PPARGC1A: variants seen among roughly 807,000 people sequenced by gnomAD.
The protein encoded by PPARGC1A is PPARG coactivator 1 alpha.
In PPARGC1A, 25 loss-of-function variants were observed where a neutral mutation model predicts 88.7. That is an observed-to-expected ratio of 0.28 (90% CI 0.21 to 0.39). The LOEUF (loss-of-function observed/expected upper bound fraction) is 0.39, where lower values mean the gene tolerates loss of function less well. Ranked by LOEUF, PPARGC1A falls within the 10% of genes least tolerant of loss-of-function variation. PPARGC1A has a pLI of 1.00. For synonymous variants in PPARGC1A, 363 were observed against 355.6 expected (o/e 1.02, Z -0.24); for missense variants, 880 against 968.7 (o/e 0.91, Z 1.22).
chr4:23,989,008 C>T, the PPARGC1A span, among the ~76,000 whole-genome samples: 16 of 148,150 alleles, frequency 1.1e-4, no homozygotes, highest in African/African-American at 3.5e-4. Context: ...TATATATATA[C>T]ATATAATAGT....
the PPARGC1A span, among the ~76,000 whole-genome samples, chr4:23,936,447 C>T: frequency 6.6e-6 from 1 of 152,066 alleles, no homozygotes; most frequent in Non-Finnish European, 1.5e-5. Context: ...AGTCAAGAAG[C>T]CTAATCAGAA....
At chr4:24,089,541 T>C in the PPARGC1A span, among the ~76,000 whole-genome samples, 3 of 146,654 alleles carry the variant, frequency 2.0e-5, no homozygotes, top group Non-Finnish European at 4.5e-5. Context: ...GACGGAGTCT[T>C]GCTCTATCAC....
At chr4:24,248,559 G>A in the PPARGC1A span, among the ~76,000 whole-genome samples, 6 of 152,046 alleles carry the variant, frequency 3.9e-5, no homozygotes, top group African/African-American at 9.7e-5. Context: ...TACAGAGAAC[G>A]AAAGTGTCAT....
the PPARGC1A span, among the ~76,000 whole-genome samples, chr4:24,027,168 G>T: frequency 1.2e-3 from 183 of 148,910 alleles, 2 homozygotes; most frequent in African/African-American, 4.4e-3. Context: ...CAAGATGCAG[G>T]AGGATCATGC....
At chr4:24,326,208 C>T in the PPARGC1A span, among the ~76,000 whole-genome samples, 1 of 151,778 alleles carries the variant, frequency 6.6e-6, no homozygotes, top group Non-Finnish European at 1.5e-5. Flanking sequence ...TATCCCATCC[C>T]ACAGCATGCT....
chr4:24,205,330 T>G, the PPARGC1A span, among the ~76,000 whole-genome samples: 35 of 152,074 alleles, frequency 2.3e-4, no homozygotes, highest in Admixed American at 2.3e-3. Flanking sequence ...TAATAAGAGC[T>G]CAATATATAC....
chr4:24,156,730 C>T, the PPARGC1A span, among the ~76,000 whole-genome samples: 1 of 147,454 alleles, frequency 6.8e-6, no homozygotes, highest in Non-Finnish European at 1.5e-5. Context: ...GGTCTTTTCT[C>T]TCTCTCTTTT....
At chr4:23,985,007 G>A in the PPARGC1A span, among the ~76,000 whole-genome samples, 40 of 152,178 alleles carry the variant, frequency 2.6e-4, no homozygotes, top group Middle Eastern at 3.4e-3. Context: ...ACATTTCAGA[G>A]TGGCCAGAAG....
chr4:24,206,875 A>T, the PPARGC1A span, among the ~76,000 whole-genome samples: 1 of 112,742 alleles, frequency 8.9e-6, no homozygotes, highest in Non-Finnish European at 1.9e-5. Context: ...AAAAAAAAAA[A>T]GCTAACATTG....
At chr4:23,862,019 C>G (rs1401073115) in intron 2 of PPARGC1A, among the ~76,000 whole-genome samples, 2 of 152,200 alleles carry the variant, frequency 1.3e-5, no homozygotes, top group East Asian at 3.8e-4. Flanking sequence ...GTCAATCAGT[C>G]AACGAGTATC....
At chr4:24,018,999 C>G in the PPARGC1A span, among the ~76,000 whole-genome samples, 19 of 152,202 alleles carry the variant, frequency 1.2e-4, no homozygotes, top group African/African-American at 3.6e-4. Flanking sequence ...TTATGCTCAG[C>G]ATATTTGAAC....
chr4:23,939,069 T>C, the PPARGC1A span, among the ~76,000 whole-genome samples: 1 of 152,180 alleles, frequency 6.6e-6, no homozygotes, highest in Non-Finnish European at 1.5e-5. Flanking sequence ...CTTTTTAGCA[T>C]TCTGTTTTTC....
At chr4:24,030,375 G>A in the PPARGC1A span, among the ~76,000 whole-genome samples, 34 of 152,254 alleles carry the variant, frequency 2.2e-4, no homozygotes, top group African/African-American at 7.0e-4. Context: ...CATTTATAAT[G>A]GCTGATGTCA....
At chr4:24,206,341 T>G in the PPARGC1A span, among the ~76,000 whole-genome samples, 1 of 152,186 alleles carries the variant, frequency 6.6e-6, no homozygotes, top group Non-Finnish European at 1.5e-5. Flanking sequence ...ACAAGCTAAA[T>G]TTCTAATAAT....
At chr4:23,950,507 AG>A in the PPARGC1A span, among the ~76,000 whole-genome samples, 2 of 152,172 alleles carry the variant, frequency 1.3e-5, no homozygotes, top group African/African-American at 4.8e-5. Flanking sequence ...CAGTGCTGAA[AG>A]GTATCTTGTA....
the PPARGC1A span, among the ~76,000 whole-genome samples, chr4:24,238,858 C>T: frequency 6.6e-6 from 1 of 151,018 alleles, no homozygotes; most frequent in Admixed American, 6.6e-5. Context: ...TAGGTGTGTA[C>T]CCACATGAAC....
the PPARGC1A span, among the ~76,000 whole-genome samples, chr4:24,312,743 C>A: frequency 6.6e-6 from 1 of 151,696 alleles, no homozygotes; most frequent in East Asian, 1.9e-4. Context: ...TTAGCTAAAG[C>A]AAATTTACTT....
chr4:23,895,959 T>C (rs1231668711), intron 1 of PPARGC1A, among the ~76,000 whole-genome samples: 4 of 51,970 alleles, frequency 7.7e-5, no homozygotes, highest in African/African-American at 7.5e-4. Flanking sequence ...TGTGTGTGTG[T>C]GTGTGTGTGT....
chr4:24,288,037 A>G, the PPARGC1A span, among the ~76,000 whole-genome samples: 1 of 151,904 alleles, frequency 6.6e-6, no homozygotes, highest in Non-Finnish European at 1.5e-5. Flanking sequence ...GGTGCCCTCC[A>G]AGTAAACCCT....
Sources: gnomAD v4.1 joint callset for allele counts (sites outside exome capture counted in the v4.1 genomes callset) on GRCh38, gnomAD v4.1.1 for gene constraint, MANE v1.5 for transcripts, NCBI Gene and HGNC (gene_info 2026-07-23, HGNC 2026-07-21) for gene names.